Variants in ZNF860 observed in about 807,000 individuals in gnomAD.
The protein encoded by ZNF860 is zinc finger protein 860.
For missense variants in ZNF860, 641 were observed against 759.2 expected, an observed-to-expected ratio of 0.84 and a Z score of 1.83; for synonymous variants, 206 against 248.9, an observed-to-expected ratio of 0.83 and a Z score of 1.62.
At chr3:32,004,538 G>A in the ZNF860 span, among the ~76,000 whole-genome samples, 2 of 152,164 alleles carry the variant, frequency 1.3e-5, no homozygotes, top group South Asian at 2.1e-4. Context: ...TCAAGATATC[G>A]GCTGGAGAAC....
Position 31,990,153 on chromosome 3 carries a change from A to G in ZNF860, c.1074A>G (p.Thr358=), listed in dbSNP as rs558259737. 47 of 1,611,834 alleles carry G rather than the reference A, an allele frequency of 2.9e-5. No individual in the cohort carries two copies. In the East Asian group the frequency reaches 1.0e-3, roughly 35 times the overall value. The change falls in exon 2 of 2, where the codon ACA becomes ACG. Residue 358 remains threonine, a synonymous_variant. Coordinates refer to ENST00000360311, the MANE Select transcript of ZNF860 (RefSeq NM_001137674.3). ...CTTTCAGGCGTGATTCACACCTCAC[A>G]CAACACACTAGAATTCACACTGGAG... The part of the protein sequence containing the change: ...EKAFRRDSHL[T]QHTRIHTGEK...
intron 1 of ZNF860, among the ~76,000 whole-genome samples, chr3:31,984,166 AG>A (rs2125512824): frequency 6.6e-6 from 1 of 152,114 alleles, no homozygotes; most frequent in Admixed American, 6.5e-5. Flanking sequence ...CAGCTTCCCC[AG>A]TAGCTGGGAC....
chr3:31,983,765 G>A (rs1206100243), intron 1 of ZNF860, among the ~76,000 whole-genome samples: 2 of 152,176 alleles, frequency 1.3e-5, no homozygotes, highest in East Asian at 3.9e-4. Flanking sequence ...TAGGGAAAAG[G>A]TACCTGCAGA....
the ZNF860 span, among the ~76,000 whole-genome samples, chr3:32,003,705 C>T: frequency 6.6e-6 from 1 of 152,158 alleles, no homozygotes; most frequent in African/African-American, 2.4e-5. Flanking sequence ...TTTAATTGGT[C>T]CAGGTGGACC....
In ZNF860 at chr3:31,990,052, C is replaced by T. The variant is rs766054713; in HGVS notation, c.973C>T (p.Arg325Cys). ...TGAAGAATGTGACAAAGTTTTTAGT[C>T]GCAAATCAAATCTTGAAAGACATAG... ...KCEECDKVFS[R>C]KSNLERHRRI... Residue 325 changes from arginine (R) to cysteine (C), a missense_variant, in exon 2 of 2, where the codon CGC (arginine) becomes TGC (cysteine). Transcript: ENST00000360311. The T allele has an allele frequency of 2.9e-5, 47 of 1,613,730 alleles. No homozygotes were observed. The Middle Eastern group carries it at 4.9e-4, about 17-fold the overall frequency.
rs1698981242 is a variant in ZNF860, at chr3:31,988,861, A to C, written c.-219A>C. 1.6e-6 allele frequency: 1 copy of C among 610,982 alleles called. No homozygotes were observed. 37.8% of individuals were successfully genotyped at this position (610,982 alleles called of 1,614,324 possible). On this transcript the variant is annotated 5_prime_UTR_variant, in exon 2 of 2. Transcript: ENST00000360311. The stretch of plus-strand genomic sequence containing the variant: ...CTTGAGATGACTGCAGCCATGACCC[A>C]CAGCTTGACTACAACCCAGAGAGAC...
At chr3:31,983,542 G>A (rs557794468) in intron 1 of ZNF860, among the ~76,000 whole-genome samples, 41 of 152,320 alleles carry the variant, frequency 2.7e-4, no homozygotes, top group African/African-American at 8.2e-4. Flanking sequence ...CAAGCCAGCC[G>A]TATGGGATCA....
chr3:32,006,326 T>C, the ZNF860 span, among the ~76,000 whole-genome samples: 2 of 152,242 alleles, frequency 1.3e-5, no homozygotes, highest in East Asian at 1.9e-4. Context: ...TTGTGTATTT[T>C]TCTGTTGGAT....
chr3:31,994,264 T>C (rs1559545733), downstream of ZNF860, among the ~76,000 whole-genome samples: 1 of 152,152 alleles, frequency 6.6e-6, no homozygotes, highest in Non-Finnish European at 1.5e-5. Context: ...TAGACAGAAA[T>C]GTATTTGAAC....
chr3:32,002,702 A>C, the ZNF860 span, among the ~76,000 whole-genome samples: 7 of 152,366 alleles, frequency 4.6e-5, no homozygotes, highest in African/African-American at 1.7e-4. Flanking sequence ...AAGATTTTAG[A>C]GAAAAAAGGT....
At chr3:31,993,348 A>G (rs1699055030), downstream of ZNF860, among the ~76,000 whole-genome samples, 1 of 151,940 alleles carries the variant, frequency 6.6e-6, no homozygotes, top group Non-Finnish European at 1.5e-5. Context: ...AGCTGGGATT[A>G]CAGGCATGCG....
intron 1 of ZNF860, 41 bp from the exon 2 acceptor site, chr3:31,988,619 T>C (rs74550005): frequency 0.11 from 18,929 of 177,644 alleles, 1,297 homozygotes; most frequent in South Asian, 0.26. Context: ...TCTCTCTCTC[T>C]CTTTCTCTCT....
chr3:31,990,124 A>G lies in ZNF860; in HGVS notation c.1045A>G (p.Lys349Glu), dbSNP rs1379342465. Residue 349 changes from lysine to glutamate, a missense_variant, in exon 2 of 2, where the codon AAG (lysine) becomes GAG (glutamate). Coordinates refer to ENST00000360311, the MANE Select transcript of ZNF860 (RefSeq NM_001137674.3). ...EKPYKCKVCEKAFRRDSHLTQ... is the reference protein window; with the variant it reads ...EKPYKCKVCEEAFRRDSHLTQ... ...ACCATACAAATGTAAGGTTTGTGAA[A>G]AGGCTTTCAGGCGTGATTCACACCT... 1 of 1,611,692 alleles carries G rather than the reference A, an allele frequency of 6.2e-7. No homozygotes were observed. The highest frequency in any genetic ancestry group is 1.7e-5 in the Admixed American group (1 of 59,890).
At chr3:31,985,235 T>C (rs1698918158) in intron 1 of ZNF860, among the ~76,000 whole-genome samples, 1 of 152,100 alleles carries the variant, frequency 6.6e-6, no homozygotes, top group Admixed American at 6.6e-5. Flanking sequence ...CAAGACTCCA[T>C]CTCAAAAAAT....
At chr3:32,001,251 A>G in the ZNF860 span, among the ~76,000 whole-genome samples, 1 of 152,166 alleles carries the variant, frequency 6.6e-6, no homozygotes, top group Non-Finnish European at 1.5e-5. Context: ...ATGTGTCCCA[A>G]GAGAACTTCC....
the ZNF860 span, among the ~76,000 whole-genome samples, chr3:31,996,744 G>A: frequency 1.3e-5 from 2 of 151,976 alleles, no homozygotes; most frequent in East Asian, 1.9e-4. Context: ...AGCAAAAGCC[G>A]AAAAACCAGC....
rs560369856 is a variant in ZNF860 at position 31,988,217 on chromosome 3, G to A, written c.-420-443G>A. ...TTGAGTGTGAAGGGGCAGATAACCA[G>A]TCTCTTTAGTTTCACAGATCAGAGG... On this transcript the variant is annotated intron_variant, in intron 1 of 1. Coordinates refer to ENST00000360311, the MANE Select transcript of ZNF860 (RefSeq NM_001137674.3). Among the ~76,000 whole-genome samples the A allele has an allele frequency of 5.9e-5, 9 of 152,322 alleles. No homozygotes were observed. In the East Asian group the frequency reaches 1.4e-3, roughly 23 times the overall value.
chr3:31,985,013 C>A (rs997891185), intron 1 of ZNF860, among the ~76,000 whole-genome samples: 9 of 152,220 alleles, frequency 5.9e-5, no homozygotes, highest in Admixed American at 2.6e-4. Flanking sequence ...CCAAGGTGGG[C>A]GGGTCACGTG....
the ZNF860 span, among the ~76,000 whole-genome samples, chr3:32,001,342 A>G: frequency 4.3e-4 from 65 of 152,310 alleles, no homozygotes; most frequent in African/African-American, 1.4e-3. Context: ...CTGTTGGTGT[A>G]TTCTGTCTGG....
Sources: gnomAD v4.1 joint callset for allele counts (sites outside exome capture counted in the v4.1 genomes callset) on GRCh38, gnomAD v4.1.1 for gene constraint, MANE v1.5 for transcripts, NCBI Gene and HGNC (gene_info 2026-07-23, HGNC 2026-07-21) for gene names.